Variants in CSMD1 observed in about 807,000 individuals in gnomAD.
CSMD1 encodes CUB and sushi domain-containing protein 1.
CSMD1 carries 213 observed loss-of-function variants against 417.5 expected under a neutral mutation model. That is an observed-to-expected ratio of 0.51 (90% confidence interval 0.46 to 0.57). The LOEUF (loss-of-function observed/expected upper bound fraction) is 0.57. Among genes scored for constraint, CSMD1 ranks in the 20% least tolerant of loss-of-function variants. The probability of loss-of-function intolerance (pLI) is 0.00; values close to 1 mark genes in which losing one functional copy is unlikely to be tolerated. For synonymous variants in CSMD1, 2,862 were observed against 1,736.8 expected (o/e 1.65, Z -16.11); for missense variants, 6,923 against 4,529.7 (o/e 1.53, Z -15.17).
intron 5 of CSMD1, among the ~76,000 whole-genome samples, chr8:3,871,826 G>C (rs1181957100): frequency 6.6e-6 from 1 of 152,174 alleles, no homozygotes; most frequent in Non-Finnish European, 1.5e-5. Context: ...GCTTGTGAAG[G>C]CTATTACACA....
chr8:4,700,848 G>T (rs1048423401), intron 1 of CSMD1, among the ~76,000 whole-genome samples: 1 of 152,154 alleles, frequency 6.6e-6, no homozygotes, highest in Non-Finnish European at 1.5e-5. Flanking sequence ...AGAATAGGAA[G>T]AAAGGATGAA....
At chr8:4,232,869 A>T (rs1462183306) in intron 3 of CSMD1, among the ~76,000 whole-genome samples, 1 of 152,182 alleles carries the variant, frequency 6.6e-6, no homozygotes, top group African/African-American at 2.4e-5. Context: ...TAGGGGCAAC[A>T]ATCTTGAATA....
At chr8:3,519,757 A>G (rs1797425423) in intron 10 of CSMD1, among the ~76,000 whole-genome samples, 1 of 152,136 alleles carries the variant, frequency 6.6e-6, no homozygotes, top group South Asian at 2.1e-4. Context: ...TAAAGATAGA[A>G]AGTTGGCTGT....
At chr8:4,159,677 C>T (rs922455692) in intron 3 of CSMD1, among the ~76,000 whole-genome samples, 2 of 152,176 alleles carry the variant, frequency 1.3e-5, no homozygotes, top group Non-Finnish European at 2.9e-5. Flanking sequence ...CAAGCTCCCC[C>T]TCCCGGGTTC....
At chr8:3,679,047 A>G (rs1799521380) in intron 7 of CSMD1, among the ~76,000 whole-genome samples, 1 of 152,192 alleles carries the variant, frequency 6.6e-6, no homozygotes, top group Non-Finnish European at 1.5e-5. Flanking sequence ...TAAACATGGA[A>G]AGGAACAACT....
chr8:3,913,846 G>C (rs74418762), intron 5 of CSMD1, among the ~76,000 whole-genome samples: 1 of 152,124 alleles, frequency 6.6e-6, no homozygotes, highest in Non-Finnish European at 1.5e-5. Flanking sequence ...TAATCACCTT[G>C]ACTTTCCTGT....
At chr8:3,690,926 A>C (rs1256701663) in intron 7 of CSMD1, among the ~76,000 whole-genome samples, 1 of 152,244 alleles carries the variant, frequency 6.6e-6, no homozygotes, top group Non-Finnish European at 1.5e-5. Flanking sequence ...GAATAATTAA[A>C]TAAATTAAAG....
intron 2 of CSMD1, among the ~76,000 whole-genome samples, chr8:4,455,611 T>A (rs184531669): frequency 3.4e-4 from 51 of 152,110 alleles, no homozygotes; most frequent in African/African-American, 1.1e-3. Flanking sequence ...AATCATCTTA[T>A]TTTCTCTTTC....
At chr8:3,559,770 G>A (rs1400385272) in intron 10 of CSMD1, among the ~76,000 whole-genome samples, 1 of 152,082 alleles carries the variant, frequency 6.6e-6, no homozygotes, top group Non-Finnish European at 1.5e-5. Context: ...ATTTATTGTG[G>A]AAGATAAATT....
At chr8:3,385,029 T>TAC (rs1810906584) in intron 18 of CSMD1, among the ~76,000 whole-genome samples, 1 of 115,636 alleles carries the variant, frequency 8.6e-6, no homozygotes, top group Admixed American at 1.1e-4. Context: ...TATATAAATA[T>TAC]AATATATATA....
chr8:3,455,647 G>A (rs1167197330), intron 12 of CSMD1, among the ~76,000 whole-genome samples: 1 of 152,226 alleles, frequency 6.6e-6, no homozygotes, highest in Non-Finnish European at 1.5e-5. Flanking sequence ...AACAGCAAAT[G>A]CTGCTGCCTG....
At chr8:4,596,857 G>C (rs749191562) in intron 2 of CSMD1, among the ~76,000 whole-genome samples, 2 of 152,152 alleles carry the variant, frequency 1.3e-5, no homozygotes, top group African/African-American at 4.8e-5. Context: ...AATCATGGGG[G>C]CTGATCTTTC....
At chr8:3,852,711 G>A (rs913298315) in intron 5 of CSMD1, among the ~76,000 whole-genome samples, 3 of 152,102 alleles carry the variant, frequency 2.0e-5, no homozygotes, top group South Asian at 2.1e-4. Flanking sequence ...GGCTGTGAGG[G>A]ACGGGAGAGA....
chr8:3,432,922 A>C (rs1206805679), intron 12 of CSMD1, among the ~76,000 whole-genome samples: 1 of 152,194 alleles, frequency 6.6e-6, no homozygotes, highest in Non-Finnish European at 1.5e-5. Context: ...CATTTCTTCT[A>C]ATCATTGAAG....
chr8:3,940,044 C>A (rs561676835), intron 5 of CSMD1, among the ~76,000 whole-genome samples: 11 of 152,066 alleles, frequency 7.2e-5, no homozygotes, highest in Non-Finnish European at 1.2e-4. Flanking sequence ...AACAGAAATA[C>A]TGAAGATGTG....
At chr8:4,863,583 C>A (rs1033675294) in intron 1 of CSMD1, among the ~76,000 whole-genome samples, 1 of 151,958 alleles carries the variant, frequency 6.6e-6, no homozygotes, top group East Asian at 1.9e-4. Flanking sequence ...AACAATTTTG[C>A]ACAATCTCTT....
intron 42 of CSMD1, among the ~76,000 whole-genome samples, chr8:3,116,068 G>T (rs1485400732): frequency 2.6e-5 from 4 of 152,138 alleles, no homozygotes; most frequent in Non-Finnish European, 4.4e-5. Context: ...ATAGGCGTTT[G>T]AACAGCCTCC....
chr8:3,284,618 G>T (rs376895806), intron 25 of CSMD1: 8 of 414,634 alleles, frequency 1.9e-5, no homozygotes, highest in African/African-American at 1.2e-4. Context: ...TAGGATAAAA[G>T]GATTGCTTTT....
At chr8:4,818,239 A>G (rs1330969573) in intron 1 of CSMD1, among the ~76,000 whole-genome samples, 1 of 152,176 alleles carries the variant, frequency 6.6e-6, no homozygotes, top group Non-Finnish European at 1.5e-5. Flanking sequence ...CAATAGAAAA[A>G]TCATTCTTTG....
Sources: gnomAD v4.1 joint callset for allele counts (sites outside exome capture counted in the v4.1 genomes callset) on GRCh38, gnomAD v4.1.1 for gene constraint, MANE v1.5 for transcripts, NCBI Gene and HGNC (gene_info 2026-07-23, HGNC 2026-07-21) for gene names.